The following PRPF18 variants were observed in gnomAD, a reference collection of about 807,000 sequenced individuals.
PRPF18 encodes pre-mRNA-splicing factor 18.
PRPF18 carries 38 observed loss-of-function variants against 46.5 expected under a neutral mutation model. The ratio of observed to expected loss-of-function variants is 0.82; its 90% CI spans 0.63 to 1.07. The LOEUF is 1.07. PRPF18 is among the 50% of genes least tolerant of loss of function. The pLI is 0.00. For synonymous variants in PRPF18, 152 were observed against 146.7 expected, an observed-to-expected ratio of 1.04 and a Z score of -0.26; for missense variants, 263 against 410.0, an observed-to-expected ratio of 0.64 and a Z score of 3.10.
chr10:13,637,741 G>C, the PRPF18 span: 1 of 152,198 alleles, frequency 6.6e-6, no homozygotes, highest in Admixed American at 6.5e-5. Flanking sequence ...CATATGTCAA[G>C]CTTAAATAAC....
At chr10:13,613,685 G>C in intron 6 of PRPF18, 56 bp from the exon 7 acceptor site, 1 of 1,552,388 alleles carries the variant, frequency 6.4e-7, no homozygotes, top group South Asian at 1.2e-5. Context: ...AGAGCATTTA[G>C]ATGTACTGAA....
rs571208312 is a variant in PRPF18 at position 13,601,725 on chromosome 10, A to G, written c.249+1377A>G. ...GGCAGGTTATCTGGTCTGTTTCTCA[A>G]TTTCCTTATGTCTGAATGAGGGTAA... On this transcript the variant is annotated intron_variant, in intron 3 of 9. Coordinates refer to ENST00000378572, the MANE Select transcript of PRPF18 (RefSeq NM_003675.4). Among the ~76,000 whole-genome samples, 4 of 152,274 alleles carry G rather than the reference A, an allele frequency of 2.6e-5. 1 individual carries two copies. The highest frequency in any genetic ancestry group is 9.6e-5 in the African/African-American group (4 of 41,542).
At chr10:13,628,883 A>G (rs903069210) in intron 9 of PRPF18, among the ~76,000 whole-genome samples, 1 of 152,156 alleles carries the variant, frequency 6.6e-6, no homozygotes, top group Admixed American at 6.5e-5. Context: ...AGAGAGCTCA[A>G]TCGTGGTGTG....
At chr10:13,613,680 A>T (rs924497622) in intron 6 of PRPF18, 61 bp from the exon 7 acceptor site, 2 of 1,528,752 alleles carry the variant, frequency 1.3e-6, no homozygotes, top group Non-Finnish European at 1.8e-6. Context: ...GCTAGAGAGC[A>T]TTTAGATGTA....
At chr10:13,635,435 G>A (rs973116060), downstream of PRPF18, among the ~76,000 whole-genome samples, 1 of 152,132 alleles carries the variant, frequency 6.6e-6, no homozygotes, top group African/African-American at 2.4e-5. Flanking sequence ...TGGATTGAAT[G>A]GTATTACTGT....
chr10:13,654,709 C>G, the PRPF18 span: 2 of 583,898 alleles, frequency 3.4e-6, no homozygotes, highest in East Asian at 5.7e-5. Context: ...CATGCCCCCC[C>G]AACCTCTGCA....
At chr10:13,606,180 C>G (rs1212928958) in intron 4 of PRPF18, among the ~76,000 whole-genome samples, 1 of 152,140 alleles carries the variant, frequency 6.6e-6, no homozygotes, top group African/African-American at 2.4e-5. Flanking sequence ...TCCCCAGTAC[C>G]CCTTCTCAGC....
chr10:13,591,815 T>C (rs1195428291), intron 1 of PRPF18: 13 of 1,441,524 alleles, frequency 9.0e-6, no homozygotes, highest in Non-Finnish European at 1.2e-5. Context: ...AACAAGCCAC[T>C]AGCCAGGTGC....
intron 1 of PRPF18, among the ~76,000 whole-genome samples, chr10:13,596,538 T>A (rs1273266270): frequency 1.3e-5 from 2 of 152,230 alleles, no homozygotes; most frequent in East Asian, 3.8e-4. Flanking sequence ...ATCATTACTG[T>A]TAATACAGTC....
chr10:13,651,817 C>G, the PRPF18 span: 5 of 774,046 alleles, frequency 6.5e-6, no homozygotes, highest in Non-Finnish European at 1.2e-5. Flanking sequence ...CAGATGTATC[C>G]TTGTGGAAAT....
intron 3 of PRPF18, among the ~76,000 whole-genome samples, chr10:13,600,756 G>A (rs746789946): frequency 2.0e-5 from 3 of 151,826 alleles, no homozygotes; most frequent in Non-Finnish European, 4.4e-5. Context: ...CCCATTGCTT[G>A]TTTGCTCCAT....
At chr10:13,605,377 A>G (rs1256869019) in intron 3 of PRPF18, among the ~76,000 whole-genome samples, 1 of 151,964 alleles carries the variant, frequency 6.6e-6, no homozygotes, top group Non-Finnish European at 1.5e-5. Flanking sequence ...AGGGCAGGAG[A>G]CTGAGACCAT....
chr10:13,624,687 G>A (rs1589137220), intron 9 of PRPF18, among the ~76,000 whole-genome samples: 1 of 152,212 alleles, frequency 6.6e-6, no homozygotes, highest in Non-Finnish European at 1.5e-5. Flanking sequence ...CACTGATGCT[G>A]GCAGCCAGGC....
At chr10:13,589,735 C>T (rs150221572) in intron 1 of PRPF18, among the ~76,000 whole-genome samples, 19 of 152,178 alleles carry the variant, frequency 1.2e-4, no homozygotes, top group African/African-American at 4.1e-4. Flanking sequence ...ATGTTGTGTA[C>T]GATTGATGTA....
At position 13,600,325 on chromosome 10, in the gene PRPF18, C is replaced by T; in HGVS notation, c.226C>T (p.Pro76Ser). The T allele has an allele frequency of 6.2e-7, 1 of 1,611,378 alleles. No individual in the cohort carries two copies. Among genetic ancestry groups the T allele is most frequent in the Non-Finnish European group, 8.5e-7 (1 of 1,178,448 alleles). The change falls in exon 3 of 10, where the codon CCT (proline) becomes TCT (serine). Residue 76 changes from proline (P) to serine (S), a missense_variant. Coordinates refer to ENST00000378572, the MANE Select transcript of PRPF18 (RefSeq NM_003675.4). ...ACTTGAACTGGCAGAGGAAAAATTACCTATGACGCTTTCTAGGCAAGAGGT... is the reference window on the plus strand; with the variant it reads ...ACTTGAACTGGCAGAGGAAAAATTATCTATGACGCTTTCTAGGCAAGAGGT... ...LELELAEEKL[P>S]MTLSRQEVIR... is the part of the protein sequence containing the mutation.
chr10:13,650,221 T>TA, the PRPF18 span, among the ~76,000 whole-genome samples: 1 of 152,172 alleles, frequency 6.6e-6, no homozygotes, highest in Non-Finnish European at 1.5e-5. Flanking sequence ...ATTATTTTTT[T>TA]AAACGTATAA....
intron 1 of PRPF18, among the ~76,000 whole-genome samples, chr10:13,587,586 G>T (rs1311335884): frequency 6.6e-6 from 1 of 152,234 alleles, no homozygotes; most frequent in Non-Finnish European, 1.5e-5. Context: ...TGCATTGGCC[G>T]TGGGCCAATC....
At chr10:13,623,149 C>G (rs1348629286) in intron 9 of PRPF18, among the ~76,000 whole-genome samples, 1 of 151,774 alleles carries the variant, frequency 6.6e-6, no homozygotes, top group African/African-American at 2.4e-5. Flanking sequence ...TGCAGTGAGC[C>G]GAGATTGCGC....
intron 1 of PRPF18, chr10:13,592,223 G>C: frequency 1.7e-6 from 1 of 594,376 alleles, no homozygotes; most frequent in Non-Finnish European, 3.1e-6. Flanking sequence ...GGGCTTCTTA[G>C]CCTTGAGGTG....
Sources: allele counts gnomAD v4.1 joint callset (sites outside exome capture counted in the v4.1 genomes callset), GRCh38; gene constraint gnomAD v4.1.1; transcripts MANE v1.5; gene names NCBI Gene and HGNC (gene_info 2026-07-23, HGNC 2026-07-21).